NDST4: variants seen among roughly 807,000 people sequenced by gnomAD.
NDST4 encodes N-deacetylase and N-sulfotransferase 4.
A neutral mutation model predicts 100.8 loss-of-function variants in NDST4; 63 were observed. The ratio of observed to expected loss-of-function variants is 0.62; its 90% confidence interval spans 0.51 to 0.77. The LOEUF is 0.77. NDST4 is among the 30% of genes least tolerant of loss of function. The pLI is 0.00. For missense variants in NDST4, 943 were observed against 1,018.4 expected, an observed-to-expected ratio of 0.93 and a Z score of 1.01; for synonymous variants, 377 against 361.8, an observed-to-expected ratio of 1.04 and a Z score of -0.48.
At chr4:114,847,060 T>G (rs1189741244) in intron 9 of NDST4, among the ~76,000 whole-genome samples, 1 of 152,110 alleles carries the variant, frequency 6.6e-6, no homozygotes, top group East Asian at 1.9e-4. Context: ...TGCCCAACCC[T>G]GATCCTAGCT....
chr4:114,915,941 A>T (rs1725159459), intron 6 of NDST4, among the ~76,000 whole-genome samples: 1 of 152,052 alleles, frequency 6.6e-6, no homozygotes, highest in African/African-American at 2.4e-5. Context: ...TAATATTCTC[A>T]TTTGTTACAC....
At chr4:115,095,809 G>A (rs894115173) in intron 1 of NDST4, among the ~76,000 whole-genome samples, 1 of 151,818 alleles carries the variant, frequency 6.6e-6, no homozygotes, top group Non-Finnish European at 1.5e-5. Context: ...TTGTTAACAG[G>A]CCCCATAGTC....
chr4:115,082,592 AACG>A (rs1729325606), intron 1 of NDST4, among the ~76,000 whole-genome samples: 1 of 152,186 alleles, frequency 6.6e-6, no homozygotes, highest in Non-Finnish European at 1.5e-5. Flanking sequence ...GAACAAGAGC[AACG>A]ACGTTTACCA....
intron 6 of NDST4, among the ~76,000 whole-genome samples, chr4:114,912,251 A>G (rs1349949975): frequency 6.6e-6 from 1 of 152,166 alleles, no homozygotes; most frequent in African/African-American, 2.4e-5. Flanking sequence ...TCTGACACTT[A>G]CACACAATTA....
At chr4:114,834,492 T>C (rs1336362627) in intron 11 of NDST4, among the ~76,000 whole-genome samples, 1 of 124,716 alleles carries the variant, frequency 8.0e-6, no homozygotes, top group Admixed American at 1.0e-4. Flanking sequence ...CCAGCCTGGG[T>C]GATGGAGCGA....
At chr4:114,908,969 A>G (rs1725008210) in intron 6 of NDST4, among the ~76,000 whole-genome samples, 1 of 152,208 alleles carries the variant, frequency 6.6e-6, no homozygotes. Flanking sequence ...AAAGACATAC[A>G]GAAATTTTAC....
chr4:114,837,864 A>C (rs952354226), intron 11 of NDST4, among the ~76,000 whole-genome samples: 4 of 152,238 alleles, frequency 2.6e-5, no homozygotes, highest in Admixed American at 2.6e-4. Context: ...GCACAGCAAA[A>C]GAAACTATCA....
At chr4:115,100,289 G>A (rs1729703808) in intron 1 of NDST4, among the ~76,000 whole-genome samples, 1 of 152,012 alleles carries the variant, frequency 6.6e-6, no homozygotes, top group African/African-American at 2.4e-5. Flanking sequence ...AAACCCATAG[G>A]ATATAAAACA....
At chr4:114,979,287 C>A (rs1377362705) in intron 2 of NDST4, among the ~76,000 whole-genome samples, 1 of 151,466 alleles carries the variant, frequency 6.6e-6, no homozygotes, top group Non-Finnish European at 1.5e-5. Context: ...TTAAAACTTG[C>A]ATTATTTTTG....
At chr4:114,875,857 T>C (rs1387250249) in intron 6 of NDST4, among the ~76,000 whole-genome samples, 1 of 152,212 alleles carries the variant, frequency 6.6e-6, no homozygotes, top group East Asian at 1.9e-4. Context: ...TTGCTTTTCC[T>C]ACTTGTATGA....
chr4:114,911,261 A>G (rs1177711181), intron 6 of NDST4, among the ~76,000 whole-genome samples: 2 of 152,144 alleles, frequency 1.3e-5, no homozygotes, highest in East Asian at 3.9e-4. Flanking sequence ...GCCTCAGCCA[A>G]CCAGACCTCT....
chr4:115,017,867 A>G (rs1407558818), intron 2 of NDST4, among the ~76,000 whole-genome samples: 1 of 151,986 alleles, frequency 6.6e-6, no homozygotes, highest in Non-Finnish European at 1.5e-5. Flanking sequence ...GATTGTTTAC[A>G]TGCAGAGGAT....
intron 1 of NDST4, among the ~76,000 whole-genome samples, chr4:115,079,123 G>A (rs1729250910): frequency 6.6e-6 from 1 of 151,928 alleles, no homozygotes; most frequent in Non-Finnish European, 1.5e-5. Context: ...AGGACAAGGT[G>A]GGCAGATCAC....
chr4:114,969,938 T>C (rs924453725), intron 4 of NDST4, among the ~76,000 whole-genome samples: 44 of 152,246 alleles, frequency 2.9e-4, no homozygotes, highest in African/African-American at 1.0e-3. Context: ...CAGCAGTGTG[T>C]AAGTGTTCTC....
At chr4:114,864,929 T>C (rs574504581) in intron 7 of NDST4, among the ~76,000 whole-genome samples, 4 of 152,290 alleles carry the variant, frequency 2.6e-5, no homozygotes, top group Non-Finnish European at 5.9e-5. Flanking sequence ...ACCCTAAATG[T>C]CTATCTATTC....
At chr4:114,900,334 A>C (rs964005305) in intron 6 of NDST4, among the ~76,000 whole-genome samples, 2 of 151,968 alleles carry the variant, frequency 1.3e-5, no homozygotes, top group Non-Finnish European at 2.9e-5. Context: ...CATTGATTTC[A>C]GCTCTAATTT....
chr4:115,003,209 C>T (rs768760493), intron 2 of NDST4, among the ~76,000 whole-genome samples: 1 of 152,094 alleles, frequency 6.6e-6, no homozygotes, highest in African/African-American at 2.4e-5. Flanking sequence ...AACAAACCTG[C>T]ACGTTCTGCA....
chr4:114,947,475 G>A (rs903919855), intron 4 of NDST4, among the ~76,000 whole-genome samples: 7 of 152,086 alleles, frequency 4.6e-5, no homozygotes, highest in Non-Finnish European at 1.0e-4. Context: ...GTTACATAGA[G>A]AGATGTTTTT....
intron 6 of NDST4, among the ~76,000 whole-genome samples, chr4:114,897,509 G>T (rs2126208661): frequency 6.6e-6 from 1 of 152,144 alleles, no homozygotes; most frequent in Admixed American, 6.5e-5. Context: ...TCCAAGATTT[G>T]GCAATTGTGA....
Sources: allele counts gnomAD v4.1 joint callset (sites outside exome capture counted in the v4.1 genomes callset), GRCh38; gene constraint gnomAD v4.1.1; transcripts MANE v1.5; gene names NCBI Gene and HGNC (gene_info 2026-07-23, HGNC 2026-07-21).